TMTC2: variants seen among roughly 807,000 people sequenced by gnomAD.
The protein encoded by TMTC2 is transmembrane O-mannosyltransferase targeting cadherins 2.
Under a neutral mutation model 82.4 loss-of-function variants are expected in TMTC2, and 43 were observed. That is an observed-to-expected ratio of 0.52 (90% CI 0.41 to 0.67). The LOEUF (loss-of-function observed/expected upper bound fraction) is 0.67, where lower values mean the gene tolerates loss of function less well. Among genes scored for constraint, TMTC2 ranks in the 30% least tolerant of loss-of-function variants. The pLI is 0.00. For missense variants in TMTC2, 919 were observed against 1,012.4 expected (o/e 0.91, Z 1.25); for synonymous variants, 408 against 381.9 (o/e 1.07, Z -0.80).
intron 11 of TMTC2, among the ~76,000 whole-genome samples, chr12:83,094,116 A>C (rs533993998): frequency 2.6e-5 from 4 of 152,360 alleles, no homozygotes; most frequent in Admixed American, 1.3e-4. Context: ...GTTTTGTGAA[A>C]GGGAAAAACA....
chr12:82,829,499 T>G (rs534342638), intron 1 of TMTC2, among the ~76,000 whole-genome samples: 10 of 152,296 alleles, frequency 6.6e-5, no homozygotes, highest in South Asian at 4.1e-4. Flanking sequence ...ATTGTTGGTT[T>G]TTGTGAATAT....
At chr12:82,887,666 C>T (rs1454018073) in intron 2 of TMTC2, among the ~76,000 whole-genome samples, 1 of 152,178 alleles carries the variant, frequency 6.6e-6, no homozygotes, top group Admixed American at 6.5e-5. Flanking sequence ...TCAGGAAAAA[C>T]TCTCTAAAAT....
intron 1 of TMTC2, among the ~76,000 whole-genome samples, chr12:82,775,153 T>G (rs10047600): frequency 0.17 from 25,350 of 151,942 alleles, 2,653 homozygotes; most frequent in African/African-American, 0.29. Flanking sequence ...GAAATAAAGA[T>G]AGAAACAAGA....
At chr12:82,689,752 A>G (rs1236092855) in intron 1 of TMTC2, among the ~76,000 whole-genome samples, 1 of 152,176 alleles carries the variant, frequency 6.6e-6, no homozygotes, top group Non-Finnish European at 1.5e-5. Context: ...GCAATAGTCT[A>G]ATGGAGTGTT....
chr12:82,865,971 AAGACACAGCATACC>A (rs1871828369), intron 2 of TMTC2, among the ~76,000 whole-genome samples: 1 of 152,188 alleles, frequency 6.6e-6, no homozygotes, highest in African/African-American at 2.4e-5. Flanking sequence ...AATGAGAACA[AAGACACAGCATACC>A]AGAATCTCTG....
At chr12:82,818,084 A>C (rs1868855928) in intron 1 of TMTC2, among the ~76,000 whole-genome samples, 1 of 152,078 alleles carries the variant, frequency 6.6e-6, no homozygotes. Context: ...TTAGTGCTAT[A>C]TCTCATCTTT....
intron 2 of TMTC2, among the ~76,000 whole-genome samples, chr12:82,859,900 TC>T (rs1401224597): frequency 5.3e-5 from 8 of 152,200 alleles, no homozygotes; most frequent in African/African-American, 2.4e-5. Flanking sequence ...CGTAGCTCTT[TC>T]TGTCATTCTT....
chr12:83,018,748 T>C (rs1880789560), intron 8 of TMTC2, among the ~76,000 whole-genome samples: 1 of 152,014 alleles, frequency 6.6e-6, no homozygotes, highest in African/African-American at 2.4e-5. Context: ...GTCTCAAGAT[T>C]TAGTCAGATT....
At chr12:82,807,051 G>A (rs1195767112) in intron 1 of TMTC2, among the ~76,000 whole-genome samples, 1 of 152,068 alleles carries the variant, frequency 6.6e-6, no homozygotes, top group Non-Finnish European at 1.5e-5. Flanking sequence ...GAAGCAAACA[G>A]GAATTGATAT....
At chr12:83,032,509 T>A (rs11115555) in intron 9 of TMTC2, among the ~76,000 whole-genome samples, 16,868 of 151,316 alleles carry the variant, frequency 0.11, 1,546 homozygotes, top group East Asian at 0.29. Context: ...CCATGAAAAA[T>A]TTTTGGATTT....
intron 1 of TMTC2, among the ~76,000 whole-genome samples, chr12:82,798,964 A>C (rs1878864732): frequency 6.6e-6 from 1 of 152,054 alleles, no homozygotes; most frequent in Non-Finnish European, 1.5e-5. Context: ...TAGCTGATTC[A>C]CTCTAAAAAG....
intron 1 of TMTC2, among the ~76,000 whole-genome samples, chr12:82,801,228 T>C (rs902120257): frequency 6.6e-6 from 1 of 152,024 alleles, no homozygotes; most frequent in African/African-American, 2.4e-5. Flanking sequence ...GCGGTGAGTG[T>C]TACAGTTCTT....
intron 1 of TMTC2, among the ~76,000 whole-genome samples, chr12:82,764,337 T>C (rs1017956279): frequency 6.6e-6 from 1 of 152,166 alleles, no homozygotes. Context: ...AGGGTCTCGC[T>C]ATGTTGGCCA....
At chr12:83,024,828 C>T (rs920920838) in intron 8 of TMTC2, among the ~76,000 whole-genome samples, 1 of 152,128 alleles carries the variant, frequency 6.6e-6, no homozygotes, top group East Asian at 1.9e-4. Context: ...CTACTTTGTT[C>T]ACCGCTCTGT....
intron 2 of TMTC2, among the ~76,000 whole-genome samples, chr12:82,876,380 A>G (rs1291703822): frequency 6.6e-6 from 1 of 152,130 alleles, no homozygotes; most frequent in Non-Finnish European, 1.5e-5. Context: ...TGGTTGTGAC[A>G]TATTTCAGCT....
intron 1 of TMTC2, among the ~76,000 whole-genome samples, chr12:82,745,362 ATAAAGT>A (rs1412181249): frequency 2.0e-5 from 3 of 152,322 alleles, no homozygotes; most frequent in East Asian, 1.9e-4. Context: ...GTGTTACAAG[ATAAAGT>A]TAAATTAGAT....
At chr12:82,875,033 G>T (rs1872410290) in intron 2 of TMTC2, among the ~76,000 whole-genome samples, 1 of 151,974 alleles carries the variant, frequency 6.6e-6, no homozygotes, top group Admixed American at 6.6e-5. Context: ...AATGTTTTTT[G>T]CTGTGAGGGC....
At position 82,687,071 on chromosome 12, in the gene TMTC2, A is replaced by C; in HGVS notation, c.-516A>C. 6.0e-6 allele frequency: 1 copy of C among 165,342 alleles called. No individual in the cohort carries two copies. Among genetic ancestry groups the C allele is most frequent in the Non-Finnish European group, 1.3e-5 (1 of 75,120 alleles). 10.2% of individuals were successfully genotyped at this position (165,342 alleles called of 1,614,324 possible). ...GAGTCCGCCCGAGCGACACCGGAGC[A>C]GTGCGCCCGGGAGGCGGCGAGGGGA... On this transcript the variant is annotated 5_prime_UTR_variant, in exon 1 of 12. Transcript: ENST00000321196.
intron 2 of TMTC2, among the ~76,000 whole-genome samples, chr12:82,881,804 T>G (rs994693651): frequency 6.6e-5 from 10 of 152,216 alleles, no homozygotes; most frequent in African/African-American, 2.4e-4. Flanking sequence ...ATTTGTGCTT[T>G]CAGCAAAGTT....
Sources: gnomAD v4.1 joint callset for allele counts (sites outside exome capture counted in the v4.1 genomes callset) on GRCh38, gnomAD v4.1.1 for gene constraint, MANE v1.5 for transcripts, NCBI Gene and HGNC (gene_info 2026-07-23, HGNC 2026-07-21) for gene names.